Variants in TP63 observed in about 807,000 individuals in gnomAD.
TP63 encodes the protein tumor protein 63.
TP63 carries 17 observed loss-of-function variants against 82.8 expected under a neutral mutation model. The observed-to-expected ratio is 0.21, with a 90% CI of 0.14 to 0.31. The LOEUF (loss-of-function observed/expected upper bound fraction) is 0.31. Ranked by LOEUF, TP63 falls within the 10% of genes least tolerant of loss-of-function variation. The probability of loss-of-function intolerance (pLI) is 1.00; values close to 1 mark genes in which losing one functional copy is unlikely to be tolerated. For synonymous variants in TP63, 330 were observed against 321.7 expected (o/e 1.03, Z -0.28); for missense variants, 648 against 895.3 (o/e 0.72, Z 3.52).
upstream of TP63, chr3:189,631,148 G>A: frequency 6.1e-6 from 5 of 820,684 alleles, no homozygotes; most frequent in Non-Finnish European, 7.4e-6. Context: ...ATCCAATCAC[G>A]ACAGAGATCA....
chr3:189,785,688 G>A (rs1289632529), intron 3 of TP63, among the ~76,000 whole-genome samples: 1 of 150,372 alleles, frequency 6.7e-6, no homozygotes, highest in Non-Finnish European at 1.5e-5. Context: ...GGAAAGTGAA[G>A]CTGAAATGGT....
chr3:189,806,891 A>T (rs932440553), intron 3 of TP63, among the ~76,000 whole-genome samples: 36 of 152,296 alleles, frequency 2.4e-4, no homozygotes, highest in African/African-American at 7.9e-4. Context: ...GAAAAAAAAA[A>T]GTTCAATAAA....
At chr3:189,647,407 A>C (rs1712507892) in intron 1 of TP63, among the ~76,000 whole-genome samples, 1 of 147,200 alleles carries the variant, frequency 6.8e-6, no homozygotes, top group Admixed American at 6.7e-5. Context: ...CGTGATGAAC[A>C]GTTGACCAAA....
chr3:189,668,159 G>T (rs1054798554), intron 1 of TP63, among the ~76,000 whole-genome samples: 1 of 151,788 alleles, frequency 6.6e-6, no homozygotes, highest in Non-Finnish European at 1.5e-5. Flanking sequence ...AAAACTAAGC[G>T]AATACAAGTT....
At chr3:189,694,100 C>G (rs1717158559) in intron 1 of TP63, among the ~76,000 whole-genome samples, 1 of 152,140 alleles carries the variant, frequency 6.6e-6, no homozygotes, top group African/African-American at 2.4e-5. Context: ...AACAGCGGAA[C>G]AGAAATGTGA....
chr3:189,606,301 GA>G, the TP63 span, among the ~76,000 whole-genome samples: 1 of 150,430 alleles, frequency 6.6e-6, no homozygotes, highest in South Asian at 2.1e-4. Flanking sequence ...CAGGCCTCAG[GA>G]AAAAAAAATC....
intron 1 of TP63, among the ~76,000 whole-genome samples, chr3:189,660,687 T>C (rs992718737): frequency 1.3e-5 from 2 of 152,074 alleles, no homozygotes; most frequent in Non-Finnish European, 2.9e-5. Flanking sequence ...ATTCTTCCAA[T>C]CCATGAGCAT....
chr3:189,739,496 A>T (rs947435047), intron 3 of TP63, among the ~76,000 whole-genome samples: 2 of 152,198 alleles, frequency 1.3e-5, no homozygotes, highest in Non-Finnish European at 2.9e-5. Context: ...TCTTTAATGC[A>T]GGAGGAATTT....
intron 1 of TP63, among the ~76,000 whole-genome samples, chr3:189,710,229 G>T (rs1172653444): frequency 1.3e-5 from 2 of 152,102 alleles, no homozygotes; most frequent in African/African-American, 2.4e-5. Context: ...CTCCTAACAG[G>T]CCTAGGGGAT....
intron 1 of TP63, among the ~76,000 whole-genome samples, chr3:189,700,411 A>G (rs1343658148): frequency 6.6e-6 from 1 of 152,150 alleles, no homozygotes; most frequent in Non-Finnish European, 1.5e-5. Flanking sequence ...ACTCCATCTC[A>G]TTTGTTTCTC....
At chr3:189,601,391 G>A in the TP63 span, among the ~76,000 whole-genome samples, 4 of 151,960 alleles carry the variant, frequency 2.6e-5, no homozygotes, top group African/African-American at 7.3e-5. Context: ...ACTTGGATGC[G>A]GAAGACCAGG....
At chr3:189,666,468 T>C (rs1714399217) in intron 1 of TP63, among the ~76,000 whole-genome samples, 1 of 152,122 alleles carries the variant, frequency 6.6e-6, no homozygotes, top group Non-Finnish European at 1.5e-5. Flanking sequence ...TATACTGTAA[T>C]TATGACTTTT....
intron 4 of TP63, among the ~76,000 whole-genome samples, chr3:189,849,603 C>T (rs930456838): frequency 6.6e-6 from 1 of 151,966 alleles, no homozygotes; most frequent in Non-Finnish European, 1.5e-5. Context: ...GCTAAATAGA[C>T]CCCCATGTTT....
the TP63 span, among the ~76,000 whole-genome samples, chr3:189,614,956 G>A: frequency 2.6e-5 from 4 of 152,132 alleles, no homozygotes; most frequent in Non-Finnish European, 5.9e-5. Context: ...CACAAAGTAG[G>A]GTGAGGTCCT....
intron 3 of TP63, among the ~76,000 whole-genome samples, chr3:189,763,202 A>T (rs1722707883): frequency 6.6e-6 from 1 of 152,132 alleles, no homozygotes; most frequent in Non-Finnish European, 1.5e-5. Flanking sequence ...TGAGCCTGGG[A>T]GGTCAAGGCT....
At chr3:189,666,578 A>G (rs10154920) in intron 1 of TP63, among the ~76,000 whole-genome samples, 31,988 of 152,076 alleles carry the variant, frequency 0.21, 4,179 homozygotes, top group Admixed American at 0.31. Flanking sequence ...AGAATGAAAT[A>G]GAGAAGAGAC....
At chr3:189,845,481 A>G (rs1235898994) in intron 4 of TP63, among the ~76,000 whole-genome samples, 3 of 152,150 alleles carry the variant, frequency 2.0e-5, no homozygotes, top group African/African-American at 7.2e-5. Flanking sequence ...GTTCCCAAAA[A>G]TCTATCAAAA....
At chr3:189,792,869 C>A (rs2108599687) in intron 3 of TP63, among the ~76,000 whole-genome samples, 1 of 152,166 alleles carries the variant, frequency 6.6e-6, no homozygotes, top group Non-Finnish European at 1.5e-5. Context: ...ACTTAATTGA[C>A]TTCTTTGTCT....
chr3:189,609,349 T>C, the TP63 span, among the ~76,000 whole-genome samples: 3 of 152,134 alleles, frequency 2.0e-5, no homozygotes, highest in Admixed American at 6.6e-5. Context: ...CAAACCATGA[T>C]GCTATCAATG....
Sources: allele counts gnomAD v4.1 joint callset (sites outside exome capture counted in the v4.1 genomes callset), GRCh38; gene constraint gnomAD v4.1.1; transcripts MANE v1.5; gene names NCBI Gene and HGNC (gene_info 2026-07-23, HGNC 2026-07-21).